The following INTS11 variants were observed in gnomAD, a reference collection of about 807,000 sequenced individuals.
INTS11 encodes CPSF3-like protein.
Under a neutral mutation model 78.6 loss-of-function variants are expected in INTS11, and 77 were observed. That is an observed-to-expected ratio of 0.98 (90% CI 0.81 to 1.18). The LOEUF is 1.18. Ranked by LOEUF, INTS11 falls within the 50% of genes most tolerant of loss-of-function variation. The pLI is 0.00. For synonymous variants in INTS11, 441 were observed against 326.9 expected (o/e 1.35, Z -3.77); for missense variants, 875 against 825.9 (o/e 1.06, Z -0.73).
chr1:1,312,533 G>T (rs548057356), intron 13 of INTS11, 32 bp from the exon 14 acceptor site: 1 of 1,583,090 alleles, frequency 6.3e-7, no homozygotes. Context: ...CCATCAATGT[G>T]AGGGCCGCTC....
At position 1,313,613 on chromosome 1, in the gene INTS11, G is replaced by A. The variant is rs1353772266; in HGVS notation, c.958-21C>T. On this transcript the variant is annotated intron_variant, in intron 9 of 16. Coordinates refer to ENST00000435064, the MANE Select transcript of INTS11 (RefSeq NM_017871.6). ...ACAACCTACAGGACACACAGGGCCAGGTGGGGGGTCAGGGCAGCAGATGCC... is the reference window on the plus strand; with the variant it reads ...ACAACCTACAGGACACACAGGGCCAAGTGGGGGGTCAGGGCAGCAGATGCC... The A allele has an allele frequency of 2.5e-6, 4 of 1,612,654 alleles. No individual in the cohort carries two copies. The African/African-American group carries it at 4.0e-5, about 16-fold the overall frequency.
At chr1:1,315,903 G>A (rs1642575805) in intron 4 of INTS11, among the ~76,000 whole-genome samples, 1 of 152,050 alleles carries the variant, frequency 6.6e-6, no homozygotes, top group Non-Finnish European at 1.5e-5. Context: ...CTCACACACA[G>A]CATCCAGTTC....
chr1:1,315,025 G>GT (rs1642493674), intron 6 of INTS11, 63 bp from the exon 7 acceptor site: 2 of 1,583,320 alleles, frequency 1.3e-6, no homozygotes, highest in East Asian at 4.5e-5. Context: ...AGGGCTGGGT[G>GT]TGACAAGCTG....
Position 1,312,423 on chromosome 1 carries a change from A to G in INTS11, c.1464+17T>C. On this transcript the variant is annotated intron_variant, in intron 14 of 16. Transcript: ENST00000435064. The stretch of plus-strand genomic sequence containing the variant: ...AGCAGCGGCCCTCCCCCCTCCAGAG[A>G]CCGTCCTGGCACTCACGCTGTCCTT... The G allele has an allele frequency of 6.4e-7, 1 of 1,565,306 alleles. No homozygotes were observed. Among genetic ancestry groups the G allele is most frequent in the South Asian group, 1.2e-5 (1 of 85,396 alleles).
In INTS11 at chr1:1,312,272, G is replaced by A. The variant is rs754751339; in HGVS notation, c.1561C>T (p.Arg521Cys). The A allele has an allele frequency of 4.1e-5, 63 of 1,547,264 alleles. No individual in the cohort carries two copies. The highest frequency in any genetic ancestry group is 8.2e-5 in the African/African-American group (6 of 72,890). The change falls in exon 15 of 17, where the codon CGC (arginine) becomes TGC (cysteine). Residue 521 changes from arginine to cysteine, a missense_variant. Arg to Cys is a radical substitution (Grantham distance 180). Coordinates refer to ENST00000435064, the MANE Select transcript of INTS11 (RefSeq NM_017871.6). ...CGCAATGCCGTCTCCTGCTCCTTGCGTGTGTCATGCAGGTGCACGCGGCAG... is the reference window on the plus strand; with the variant it reads ...CGCAATGCCGTCTCCTGCTCCTTGCATGTGTCATGCAGGTGCACGCGGCAG... ...FTCRVHLHDT[R>C]KEQETALRVY...
At chr1:1,312,198 TGGGGG>T in intron 15 of INTS11, 23 bp downstream of exon 15, 6 of 1,078,574 alleles carry the variant, frequency 5.6e-6, no homozygotes, top group Non-Finnish European at 7.5e-6. Flanking sequence ...CCCAAGGGAG[TGGGGG>T]GGGGGCGGGG....
At chr1:1,321,497 G>A (rs1642945052) in intron 1 of INTS11, among the ~76,000 whole-genome samples, 1 of 152,208 alleles carries the variant, frequency 6.6e-6, no homozygotes, top group South Asian at 2.1e-4. Context: ...AAACCAATGA[G>A]GCCACCTTCT....
At chr1:1,319,228 C>CGGGCGGA (rs748521773) in intron 4 of INTS11, 68 bp downstream of exon 4, 79 of 1,322,556 alleles carry the variant, frequency 6.0e-5, no homozygotes, top group Non-Finnish European at 8.1e-5. Context: ...CTGTGTAGAA[C>CGGGCGGA]GGGCGGAGGG....
intron 1 of INTS11, 45 bp from the exon 2 acceptor site, chr1:1,321,138 CCT>C (rs892628189): frequency 9.6e-6 from 14 of 1,465,188 alleles, no homozygotes; most frequent in South Asian, 6.1e-5. Context: ...CCCCCCGCCC[CCT>C]GTGCTGCCTC....
In INTS11 at chr1:1,312,106, G is replaced by A. The variant is rs752008859; in HGVS notation, c.1649C>T (p.Ser550Phe). 3 of 1,579,546 alleles carry A rather than the reference G, an allele frequency of 1.9e-6. No individual in the cohort carries two copies. The highest frequency in any genetic ancestry group is 1.7e-6 in the Non-Finnish European group (2 of 1,161,394). Residue 550 changes from serine to phenylalanine, a missense_variant, in exon 16 of 17, where the codon TCT becomes TTT. By Grantham distance (155) the Ser-to-Phe change is radical. Coordinates refer to ENST00000435064, the MANE Select transcript of INTS11 (RefSeq NM_017871.6). ...GAGGAGGACGGACTCCACAGTCACA[G>A]AGCCGTCTGGGAGGTGCTGCACACA... ...DHCVQHLPDG[S>F]VTVESVLLQA...
rs781673681 is a variant in INTS11, at chr1:1,312,377, C to A, written c.1465-9G>T. The A allele has an allele frequency of 6.4e-7, 1 of 1,567,200 alleles. No individual in the cohort carries two copies. The highest frequency in any genetic ancestry group is 8.7e-7 in the Non-Finnish European group (1 of 1,155,544). On this transcript the variant is annotated splice_polypyrimidine_tract_variant and intron_variant, in intron 14 of 16. Coordinates refer to ENST00000435064, the MANE Select transcript of INTS11 (RefSeq NM_017871.6). ...GACACCAGCCGGAAGTTCTGTGGGG[C>A]AGGGACAGGTCAGTGAGCGCAGCAG... is the stretch of plus-strand genomic sequence containing the variant.
In INTS11 at chr1:1,314,673, C is replaced by T. The variant is rs1442116669; in HGVS notation, c.702+151G>A. On this transcript the variant is annotated intron_variant, in intron 7 of 16. Coordinates refer to ENST00000435064, the MANE Select transcript of INTS11 (RefSeq NM_017871.6). The surrounding 1 kb of genome is among the most constrained non-coding windows in gnomAD (Gnocchi z 4.2). Reference sequence around the variant, plus strand: ...AGGAAAGGGTCTCTGAGTTTTCCTCCTCAATGTTGAGCAAATCTTCTTCCC... The same window carrying T: ...AGGAAAGGGTCTCTGAGTTTTCCTCTTCAATGTTGAGCAAATCTTCTTCCC... The T allele has an allele frequency of 2.8e-5, 29 of 1,018,584 alleles. No individual in the cohort carries two copies. The highest frequency in any genetic ancestry group is 1.9e-4 in the Admixed American group (8 of 41,960). 63.1% of individuals were successfully genotyped at this position (1,018,584 alleles called of 1,614,324 possible).
At chr1:1,322,510 C>G (rs2100640105) in intron 1 of INTS11, among the ~76,000 whole-genome samples, 1 of 120,214 alleles carries the variant, frequency 8.3e-6, no homozygotes, top group Non-Finnish European at 1.7e-5. Context: ...TGACAGGAGA[C>G]TGCTCCGAGA....
chr1:1,319,055 C>T (rs760447083), intron 4 of INTS11: 9 of 716,270 alleles, frequency 1.3e-5, no homozygotes, highest in Admixed American at 6.0e-5. Context: ...CTGGTGGGTT[C>T]ATAAGCCGGT....
chr1:1,321,963 G>C (rs1244221389), intron 1 of INTS11: 2 of 1,311,092 alleles, frequency 1.5e-6, no homozygotes, highest in Non-Finnish European at 2.0e-6. Context: ...TCAGGATGAC[G>C]GGGCCACAGC....
Position 1,314,145 on chromosome 1 carries a change from A to G in INTS11, c.767+156T>C. ...CACGGTGGCGCTGACGGGATGTCACAGGCTTCCTGGGGTCACACAGCACAC... is the reference window on the plus strand; with the variant it reads ...CACGGTGGCGCTGACGGGATGTCACGGGCTTCCTGGGGTCACACAGCACAC... On this transcript the variant is annotated intron_variant, in intron 8 of 16. Coordinates refer to ENST00000435064, the MANE Select transcript of INTS11 (RefSeq NM_017871.6). The surrounding 1 kb of genome is among the most constrained non-coding windows in gnomAD (Gnocchi z 4.2). The G allele has an allele frequency of 1.2e-6, 1 of 819,162 alleles. No individual in the cohort carries two copies. Among genetic ancestry groups the G allele is most frequent in the Non-Finnish European group, 2.0e-6 (1 of 497,552 alleles). The allele number at this position is 819,162 out of a possible 1,614,324, so 50.7% of individuals were successfully genotyped here.
Position 1,314,299 on chromosome 1 carries a change from A to G in INTS11, c.767+2T>C. On this transcript the variant is annotated splice_donor_variant, in intron 8 of 16. Transcript: ENST00000435064. LOFTEE classifies it high-confidence loss of function. The surrounding 1 kb of genome is among the most constrained non-coding windows in gnomAD (Gnocchi z 4.2). ...TTAAAGAGCCGTCCTGGCGGCACCTACCAGAAGGTCTCCAGGAGGATGCAG... is the reference window on the plus strand; with the variant it reads ...TTAAAGAGCCGTCCTGGCGGCACCTGCCAGAAGGTCTCCAGGAGGATGCAG... The G allele has an allele frequency of 6.3e-7, 1 of 1,596,384 alleles. No homozygotes were observed. The highest frequency in any genetic ancestry group is 8.5e-7 in the Non-Finnish European group (1 of 1,172,876).
chr1:1,312,255 C>T lies in INTS11; in HGVS notation c.1578G>A (p.Thr526=), dbSNP rs374446682. 163 of 1,542,644 alleles carry T rather than the reference C, an allele frequency of 1.1e-4. No homozygotes were observed. The highest frequency in any genetic ancestry group is 1.4e-4 in the Non-Finnish European group (155 of 1,143,874). The change falls in exon 15 of 17, where the codon ACG becomes ACA. Residue 526 remains threonine, a synonymous_variant. Coordinates refer to ENST00000435064, the MANE Select transcript of INTS11 (RefSeq NM_017871.6). ...HLHDTRKEQE[T]ALRVYSHLKS... is the part of the protein sequence containing the mutation. ...TGAGGTGGCTGTAGACGCGCAATGC[C>T]GTCTCCTGCTCCTTGCGTGTGTCAT... is the stretch of plus-strand genomic sequence containing the variant.
rs369172470 is a variant in INTS11, at chr1:1,317,387, C to T, written c.430-1769G>A. The T allele has an allele frequency of 1.2e-5, 9 of 748,684 alleles. No individual in the cohort carries two copies. The South Asian group carries it at 1.8e-4, about 15-fold the overall frequency. The allele number at this position is 748,684 out of a possible 1,614,324, so 46.4% of individuals were successfully genotyped here. ...TACAGCCTGGGCAATGAGAGCGAAA[C>T]TCCATCTCAAAAAAAAAAGAAAAAA... is the stretch of plus-strand genomic sequence containing the variant. On this transcript the variant is annotated intron_variant, in intron 4 of 16. Coordinates refer to ENST00000435064, the MANE Select transcript of INTS11 (RefSeq NM_017871.6).
Sources: allele counts gnomAD v4.1 joint callset (sites outside exome capture counted in the v4.1 genomes callset), GRCh38; gene constraint gnomAD v4.1.1; non-coding constraint Gnocchi (gnomAD v3.1); transcripts MANE v1.5; gene names NCBI Gene and HGNC (gene_info 2026-07-23, HGNC 2026-07-21).